The following CTNNA1 variants were observed in gnomAD, a reference collection of about 807,000 sequenced individuals.
The protein encoded by CTNNA1 is catenin alpha 1.
A neutral mutation model predicts 98.4 loss-of-function variants in CTNNA1; 37 were observed. That is an observed-to-expected ratio of 0.38 (90% CI 0.29 to 0.49). CTNNA1 has a LOEUF of 0.49. Ranked by LOEUF, CTNNA1 falls within the 20% of genes least tolerant of loss-of-function variation. CTNNA1 has a pLI of 0.95. For synonymous variants in CTNNA1, 404 were observed against 413.2 expected (o/e 0.98, Z 0.27); for missense variants, 761 against 1,147.2 (o/e 0.66, Z 4.86).
At chr5:138,846,254 A>G (rs1762720637) in intron 7 of CTNNA1, among the ~76,000 whole-genome samples, 1 of 152,190 alleles carries the variant, frequency 6.6e-6, no homozygotes. Context: ...GCCTGGCCCA[A>G]GGGTACTGGG....
chr5:138,816,132 CAT>C (rs1759411115), intron 5 of CTNNA1, among the ~76,000 whole-genome samples: 1 of 152,240 alleles, frequency 6.6e-6, no homozygotes, highest in Non-Finnish European at 1.5e-5. Flanking sequence ...TAAGTGAGAA[CAT>C]GTGGTATTTA....
intron 7 of CTNNA1, among the ~76,000 whole-genome samples, chr5:138,846,830 G>T (rs1024499335): frequency 1.3e-5 from 2 of 152,082 alleles, no homozygotes; most frequent in African/African-American, 4.8e-5. Context: ...TGGGGGCAGG[G>T]TGTCTTCTCT....
chr5:138,788,287 T>C (rs1755944518), intron 3 of CTNNA1, among the ~76,000 whole-genome samples: 1 of 152,174 alleles, frequency 6.6e-6, no homozygotes, highest in Admixed American at 6.5e-5. Context: ...ACTTAAATGT[T>C]TGAGTAAGAT....
rs530795860 is a variant in CTNNA1, at chr5:138,892,715, T to TA, written c.1296+5080dup. Among the ~76,000 whole-genome samples the TA allele has an allele frequency of 3.6e-4, 54 of 152,054 alleles. 1 individual carries two copies. In the South Asian group the frequency reaches 0.011, roughly 30 times the overall value. ...CTTTTTGCCTTTTTAATGTGCCTACTAAAAAAATTTAAAAATTCAGGCTGA... is the reference window on the plus strand; with the variant it reads ...CTTTTTGCCTTTTTAATGTGCCTACTAAAAAAAATTTAAAAATTCAGGCTGA... On this transcript the variant is annotated intron_variant, in intron 9 of 17. Coordinates refer to ENST00000302763, the MANE Select transcript of CTNNA1 (RefSeq NM_001903.5).
At chr5:138,856,847 A>G (rs546969386) in intron 7 of CTNNA1, among the ~76,000 whole-genome samples, 1 of 152,350 alleles carries the variant, frequency 6.6e-6, no homozygotes, top group African/African-American at 2.4e-5. Flanking sequence ...GAGATTTGAA[A>G]AGAAAGTTGT....
intron 7 of CTNNA1, among the ~76,000 whole-genome samples, chr5:138,859,699 G>A (rs1218048656): frequency 6.6e-6 from 1 of 152,214 alleles, no homozygotes; most frequent in Non-Finnish European, 1.5e-5. Context: ...CTTGAGCCCA[G>A]GAGTTTGAGA....
At chr5:138,861,397 C>CT (rs1764265532) in intron 7 of CTNNA1, among the ~76,000 whole-genome samples, 1 of 152,050 alleles carries the variant, frequency 6.6e-6, no homozygotes, top group Non-Finnish European at 1.5e-5. Context: ...ATGTTCGTGT[C>CT]TTTTTTTTCT....
At chr5:138,753,608 G>GGCGGGCGA (rs1751247760) in intron 1 of CTNNA1, 98 bp downstream of exon 1, 1 of 350,184 alleles carries the variant, frequency 2.9e-6, no homozygotes, top group Non-Finnish European at 5.1e-6. Flanking sequence ...GCGAGCCGCG[G>GGCGGGCGA]GCGGGCGAGC....
intron 3 of CTNNA1, among the ~76,000 whole-genome samples, chr5:138,806,655 T>C (rs1758110581): frequency 1.3e-5 from 2 of 152,180 alleles, no homozygotes; most frequent in South Asian, 4.1e-4. Context: ...TCTCTGGCCT[T>C]TCTACTCCCA....
chr5:138,896,427 C>T (rs895601654), intron 9 of CTNNA1, among the ~76,000 whole-genome samples: 1 of 152,146 alleles, frequency 6.6e-6, no homozygotes, highest in African/African-American at 2.4e-5. Context: ...GAATATTCGC[C>T]ATGAGATCTC....
chr5:138,932,495 C>T (rs1211215252), intron 16 of CTNNA1, 83 bp from the exon 17 acceptor site: 2 of 1,561,426 alleles, frequency 1.3e-6, no homozygotes, highest in Non-Finnish European at 1.7e-6. Flanking sequence ...GAGTGCCACA[C>T]TGAACCTTTC....
At chr5:138,860,821 CAG>C (rs750687554) in intron 7 of CTNNA1, among the ~76,000 whole-genome samples, 1 of 152,118 alleles carries the variant, frequency 6.6e-6, no homozygotes, top group Non-Finnish European at 1.5e-5. Context: ...CAGCAAGTGT[CAG>C]AGAACAGTTT....
chr5:138,875,467 G>A (rs1177343440), intron 7 of CTNNA1: 3 of 985,484 alleles, frequency 3.0e-6, no homozygotes, highest in African/African-American at 1.7e-5. Flanking sequence ...CATCGGGGTC[G>A]TTGCAGGACC....
chr5:138,861,138 A>G lies in CTNNA1; in HGVS notation c.1063-25074A>G, dbSNP rs376920526. On this transcript the variant is annotated intron_variant, in intron 7 of 17. Transcript: ENST00000302763. ...CAGGTTCAGGAGATTCTTCTGCCTC[A>G]GCCTCCTGAGTGGCTGGGATTACAG... Among the ~76,000 whole-genome samples the G allele has an allele frequency of 1.4e-4, 22 of 152,056 alleles. 1 individual carries two copies. Among genetic ancestry groups the G allele is most frequent in the Admixed American group, 2.6e-4 (4 of 15,260 alleles).
At chr5:138,808,427 T>C (rs1758328782) in intron 3 of CTNNA1, among the ~76,000 whole-genome samples, 1 of 152,230 alleles carries the variant, frequency 6.6e-6, no homozygotes, top group African/African-American at 2.4e-5. Flanking sequence ...CATATGTCTG[T>C]ATCTTCCTGA....
rs1345430121 is a variant in CTNNA1, at chr5:138,879,055, C to G, written c.1063-7157C>G. ...TGAAATCCCGTCTCTACCGAACATACAAAAATCAGCTGGGCACGGTGACAG... is the reference window on the plus strand; with the variant it reads ...TGAAATCCCGTCTCTACCGAACATAGAAAAATCAGCTGGGCACGGTGACAG... On this transcript the variant is annotated intron_variant, in intron 7 of 17. Coordinates refer to ENST00000302763, the MANE Select transcript of CTNNA1 (RefSeq NM_001903.5). 2.0e-5 allele frequency among the ~76,000 whole-genome samples: 3 copies of G among 147,848 alleles called. No homozygotes were observed. In the East Asian group the frequency reaches 6.1e-4, roughly 30 times the overall value.
At position 138,874,661 on chromosome 5, in the gene CTNNA1, T is replaced by C. The variant is rs1751102617; in HGVS notation, c.1063-11551T>C. The C allele has an allele frequency of 1.3e-6, 1 of 782,836 alleles. No individual in the cohort carries two copies. Among genetic ancestry groups the C allele is most frequent in the African/African-American group, 1.7e-5 (1 of 57,190 alleles). The allele number at this position is 782,836 out of a possible 1,614,324, so 48.5% of individuals were successfully genotyped here. A position where few individuals can be genotyped will look rare whatever the true frequency, so the allele number is the denominator to read the frequency against. ...ACCACCAACATTATAGCAAAAGATTTCACTGCATATAACTTATTTTTCATT... is the reference window on the plus strand; with the variant it reads ...ACCACCAACATTATAGCAAAAGATTCCACTGCATATAACTTATTTTTCATT... On this transcript the variant is annotated intron_variant, in intron 7 of 17. Coordinates refer to ENST00000302763, the MANE Select transcript of CTNNA1 (RefSeq NM_001903.5). This position sits in a 1 kb window ranked among gnomAD's most constrained non-coding sequence, Gnocchi z 4.1.
chr5:138,799,894 G>GTA (rs1445820943), intron 3 of CTNNA1, among the ~76,000 whole-genome samples: 143 of 38,056 alleles, frequency 3.8e-3, no homozygotes, highest in Middle Eastern at 0.011. Context: ...GTATGTATGT[G>GTA]TGTGTGTATG....
chr5:138,876,830 T>A (rs1026954370), intron 7 of CTNNA1, among the ~76,000 whole-genome samples: 9 of 152,212 alleles, frequency 5.9e-5, no homozygotes, highest in African/African-American at 2.2e-4. Flanking sequence ...GTAAAGGTGC[T>A]ATGAAAACTG....
Sources: gnomAD v4.1 joint callset for allele counts (sites outside exome capture counted in the v4.1 genomes callset) on GRCh38, gnomAD v4.1.1 for gene constraint, Gnocchi (gnomAD v3.1) non-coding constraint, MANE v1.5 for transcripts, NCBI Gene and HGNC (gene_info 2026-07-23, HGNC 2026-07-21) for gene names.